FOLH1: variants seen among roughly 807,000 people sequenced by gnomAD.
FOLH1 encodes glutamate carboxypeptidase 2.
FOLH1 carries 54 observed loss-of-function variants against 93.9 expected under a neutral mutation model. The ratio of observed to expected loss-of-function variants is 0.57; its 90% CI spans 0.46 to 0.72. The LOEUF (loss-of-function observed/expected upper bound fraction) is 0.72. Ranked by LOEUF, FOLH1 falls within the 30% of genes least tolerant of loss-of-function variation. The pLI, the probability that FOLH1 is intolerant of heterozygous loss-of-function variation, is 0.00. For missense variants in FOLH1, 571 were observed against 892.5 expected (o/e 0.64, Z 4.59); for synonymous variants, 249 against 303.6 (o/e 0.82, Z 1.87).
At chr11:49,170,815 A>C (rs182936783) in intron 11 of FOLH1, among the ~76,000 whole-genome samples, 1 of 152,216 alleles carries the variant, frequency 6.6e-6, no homozygotes, top group Non-Finnish European at 1.5e-5. Flanking sequence ...TATTCACTGA[A>C]AAGTCTGTTA....
chr11:49,173,577 G>GAA, intron 9 of FOLH1, 101 bp from the exon 10 acceptor site: 19 of 650,504 alleles, frequency 2.9e-5, no homozygotes, highest in South Asian at 6.5e-5. Flanking sequence ...TCACGCCTCA[G>GAA]AAAAAAAAAA....
At chr11:49,147,435 C>T (rs1855894634) in intron 18 of FOLH1, among the ~76,000 whole-genome samples, 1 of 98,520 alleles carries the variant, frequency 1.0e-5, no homozygotes, top group Non-Finnish European at 2.0e-5. Context: ...ATCAGCCAAC[C>T]CTCTATTGTG....
intron 4 of FOLH1, among the ~76,000 whole-genome samples, chr11:49,191,100 C>G (rs11040282): frequency 6.6e-6 from 1 of 152,286 alleles, no homozygotes; most frequent in East Asian, 1.9e-4. Flanking sequence ...CAAGCTCCAC[C>G]TCCCGCGTTC....
intron 17 of FOLH1, among the ~76,000 whole-genome samples, chr11:49,149,113 G>T (rs1856147440): frequency 6.6e-6 from 1 of 152,180 alleles, no homozygotes; most frequent in East Asian, 1.9e-4. Flanking sequence ...GCCTGTCGTG[G>T]GGTGGGGTGA....
At position 49,203,904 on chromosome 11, in the gene FOLH1, T is replaced by C. The variant is rs559193726; in HGVS notation, c.224+2163A>G. 7.9e-5 allele frequency among the ~76,000 whole-genome samples: 12 copies of C among 152,324 alleles called. No homozygotes were observed. The East Asian group carries it at 2.1e-3, about 27-fold the overall frequency. On this transcript the variant is annotated intron_variant, in intron 2 of 18. Coordinates refer to ENST00000256999, the MANE Select transcript of FOLH1 (RefSeq NM_004476.3). ...TGCCTCTCTAAAAATGATTTAGCAGTGCCAGGGAGAGGCCAGCTCTTGATG... is the reference window on the plus strand; with the variant it reads ...TGCCTCTCTAAAAATGATTTAGCAGCGCCAGGGAGAGGCCAGCTCTTGATG...
chr11:49,162,536 G>T (rs191392285), intron 13 of FOLH1, among the ~76,000 whole-genome samples: 1 of 152,034 alleles, frequency 6.6e-6, no homozygotes, highest in African/African-American at 2.4e-5. Flanking sequence ...GTTACAACAC[G>T]CTCCTTTACC....
chr11:49,164,652 G>A, intron 13 of FOLH1, 53 bp downstream of exon 13: 1 of 1,294,614 alleles, frequency 7.7e-7, no homozygotes, highest in Non-Finnish European at 1.1e-6. Context: ...AATACCTCAA[G>A]AAAACATCAT....
intron 15 of FOLH1, among the ~76,000 whole-genome samples, chr11:49,156,256 T>C (rs55728336): frequency 0.067 from 10,168 of 152,032 alleles, 443 homozygotes; most frequent in African/African-American, 0.12. Flanking sequence ...AATATATATA[T>C]CATTTTTCAT....
chr11:49,176,876 T>A (rs1860110802), intron 7 of FOLH1, among the ~76,000 whole-genome samples: 1 of 151,564 alleles, frequency 6.6e-6, no homozygotes, highest in Admixed American at 6.6e-5. Context: ...CCTGGAAAAA[T>A]AAATGTCATT....
At position 49,145,883 on chromosome 11, in the gene FOLH1, A is replaced by G. The variant is rs2134803723; in HGVS notation, c.*873T>C. Among the ~76,000 whole-genome samples the G allele has an allele frequency of 6.6e-6, 1 of 152,310 alleles. No individual in the cohort carries two copies. Among genetic ancestry groups the G allele is most frequent in the Admixed American group, 6.5e-5 (1 of 15,292 alleles). On this transcript the variant is annotated 3_prime_UTR_variant, in exon 19 of 19. Transcript: ENST00000256999. Reference sequence around the variant, plus strand: ...CTCATGTGAATGAATGCTCTATATCAGCAAAATATGGCAAACTACAGCCAC... The same window carrying G: ...CTCATGTGAATGAATGCTCTATATCGGCAAAATATGGCAAACTACAGCCAC...
Position 49,145,978 on chromosome 11 carries a change from G to T in FOLH1, c.*778C>A, listed in dbSNP as rs1276418353. 6.6e-6 allele frequency among the ~76,000 whole-genome samples: 1 copy of T among 152,124 alleles called. No homozygotes were observed. Among genetic ancestry groups the T allele is most frequent in the Non-Finnish European group, 1.5e-5 (1 of 68,026 alleles). ...AGTCCCTGAAAATTACACATGGTAT[G>T]ATTGTCTTTACAAAAAGTTCAAAAA... On this transcript the variant is annotated 3_prime_UTR_variant, in exon 19 of 19. Coordinates refer to ENST00000256999, the MANE Select transcript of FOLH1 (RefSeq NM_004476.3).
Position 49,208,330 on chromosome 11 carries a change from A to G in FOLH1, c.80T>C (p.Val27Ala). Reference protein sequence around the residue: ...RPRWLCAGALVLAGGFFLLGF... With the variant: ...RPRWLCAGALALAGGFFLLGF... ...GAGGAGAAAGAAGCCACCCGCCAGCACCAGCGCCCCAGCGCACAGCCAGCG... is the reference window on the plus strand; with the variant it reads ...GAGGAGAAAGAAGCCACCCGCCAGCGCCAGCGCCCCAGCGCACAGCCAGCG... Residue 27 changes from valine (V) to alanine (A), a missense_variant, in exon 1 of 19, where the codon GTG becomes GCG. Physicochemically the swap from Val to Ala is moderately conservative, Grantham distance 64. This residue lies in a region of FOLH1 where 71 missense variants were observed against 69.6 expected (regional missense o/e 1.02). Transcript: ENST00000256999. The G allele has an allele frequency of 6.3e-7, 1 of 1,594,562 alleles. No homozygotes were observed.
intron 3 of FOLH1, among the ~76,000 whole-genome samples, chr11:49,193,806 T>C (rs1168392898): frequency 6.6e-6 from 1 of 152,072 alleles, no homozygotes; most frequent in African/African-American, 2.4e-5. Flanking sequence ...AGGAGTTAGT[T>C]TAAAGCTGGT....
chr11:49,188,668 G>A (rs1398089252), intron 4 of FOLH1, among the ~76,000 whole-genome samples: 2 of 152,168 alleles, frequency 1.3e-5, no homozygotes, highest in South Asian at 2.1e-4. Flanking sequence ...ACAGTGAAGC[G>A]TTATCTTAAC....
At chr11:49,192,174 G>A (rs2135252345) in intron 4 of FOLH1, among the ~76,000 whole-genome samples, 1 of 151,958 alleles carries the variant, frequency 6.6e-6, no homozygotes, top group South Asian at 2.1e-4. Context: ...GCTTCAATCT[G>A]ATAATATTAA....
chr11:49,191,514 A>G (rs1388282536), intron 4 of FOLH1, among the ~76,000 whole-genome samples: 1 of 152,208 alleles, frequency 6.6e-6, no homozygotes, highest in African/African-American at 2.4e-5. Context: ...TTTGAAGGAA[A>G]TAAGAGACAA....
chr11:49,177,034 G>A (rs1454634335), intron 7 of FOLH1, among the ~76,000 whole-genome samples: 2 of 152,192 alleles, frequency 1.3e-5, no homozygotes, highest in African/African-American at 4.8e-5. Context: ...TTTCTTCTGT[G>A]CCTGTACACG....
chr11:49,208,146 G>A (rs1328257413), intron 1 of FOLH1, 146 bp downstream of exon 1: 4 of 638,794 alleles, frequency 6.3e-6, no homozygotes, highest in Non-Finnish European at 1.1e-5. Context: ...AACTCGAGGG[G>A]TGCTCACCCC....
chr11:49,178,455 C>T (rs34385527), intron 7 of FOLH1, among the ~76,000 whole-genome samples: 1 of 152,116 alleles, frequency 6.6e-6, no homozygotes, highest in Non-Finnish European at 1.5e-5. Flanking sequence ...CATAAAACAA[C>T]ACAATATAAA....
Sources: allele counts gnomAD v4.1 joint callset (sites outside exome capture counted in the v4.1 genomes callset), GRCh38; gene constraint gnomAD v4.1.1; regional missense constraint gnomAD v4.1.1; transcripts MANE v1.5; gene names NCBI Gene and HGNC (gene_info 2026-07-23, HGNC 2026-07-21).